MS4A13: variants seen among roughly 807,000 people sequenced by gnomAD.
The protein encoded by MS4A13 is membrane-spanning 4-domains subfamily A member 13.
Under a neutral mutation model 18.4 loss-of-function variants are expected in MS4A13, and 21 were observed. That is an observed-to-expected ratio of 1.14 (90% CI 0.81 to 1.64). The LOEUF is 1.64. Among genes scored for constraint, MS4A13 ranks in the 40% most tolerant of loss-of-function variants. The probability of loss-of-function intolerance (pLI) is 0.00; values close to 1 mark genes in which losing one functional copy is unlikely to be tolerated. For synonymous variants in MS4A13, 62 were observed against 57.2 expected, an observed-to-expected ratio of 1.08 and a Z score of -0.38; for missense variants, 173 against 176.8, an observed-to-expected ratio of 0.98 and a Z score of 0.12.
chr11:60,541,991 C>G (rs911831774), intron 6 of MS4A13, among the ~76,000 whole-genome samples: 1 of 151,770 alleles, frequency 6.6e-6, no homozygotes, highest in African/African-American at 2.4e-5. Flanking sequence ...ATCCTAACTA[C>G]TCGGGTGGCT....
rs747253301 is a variant in MS4A13, at chr11:60,542,606, G to A, written c.*31G>A. 6.8e-7 allele frequency: 1 copy of A among 1,471,712 alleles called. No individual in the cohort carries two copies. Among genetic ancestry groups the A allele is most frequent in the Non-Finnish European group, 9.5e-7 (1 of 1,056,476 alleles). 91.2% of individuals were successfully genotyped at this position (1,471,712 alleles called of 1,614,324 possible). On this transcript the variant is annotated 3_prime_UTR_variant, in exon 7 of 7. Transcript: ENST00000378186. ...CTAGAAATATGAGAATTTTGCTGTT[G>A]CTGATGCCTGGTGTGGGTCCTAATG...
At chr11:60,541,875 G>C (rs778100299) in intron 6 of MS4A13, among the ~76,000 whole-genome samples, 9 of 152,078 alleles carry the variant, frequency 5.9e-5, no homozygotes, top group African/African-American at 2.2e-4. Flanking sequence ...GAAGCAGGAG[G>C]ATCACTTGAG....
intron 3 of MS4A13, among the ~76,000 whole-genome samples, chr11:60,522,252 A>ATATCTATATAT (rs2086681992): frequency 6.7e-6 from 1 of 148,656 alleles, no homozygotes; most frequent in East Asian, 1.9e-4. Context: ...GTATATATAT[A>ATATCTATATAT]GATATATACA....
chr11:60,530,238 C>T (rs1176150350), intron 6 of MS4A13, among the ~76,000 whole-genome samples: 1 of 152,220 alleles, frequency 6.6e-6, no homozygotes, highest in Non-Finnish European at 1.5e-5. Flanking sequence ...ATGGCCTCTC[C>T]ATTAGGGAGT....
At chr11:60,529,972 G>A (rs891906472) in intron 6 of MS4A13, among the ~76,000 whole-genome samples, 1 of 152,148 alleles carries the variant, frequency 6.6e-6, no homozygotes, top group Admixed American at 6.5e-5. Flanking sequence ...GTGAACATTT[G>A]AGTATAAATA....
At position 60,532,029 on chromosome 11, in the gene MS4A13, C is replaced by T. The variant is rs189171913; in HGVS notation, c.402+2569C>T. On this transcript the variant is annotated intron_variant, in intron 6 of 6. Coordinates refer to ENST00000378186, the MANE Select transcript of MS4A13 (RefSeq NM_001012417.3). The stretch of plus-strand genomic sequence containing the variant: ...ATCTAAAATGTCCAGTTTTCAACAA[C>T]AAAAAGTATGCAAATAATAATAGTT... Among the ~76,000 whole-genome samples the T allele has an allele frequency of 9.2e-5, 14 of 152,198 alleles. No individual in the cohort carries two copies. In the East Asian group the frequency reaches 2.7e-3, roughly 29 times the overall value.
chr11:60,527,356 C>G (rs1339960464), intron 5 of MS4A13, among the ~76,000 whole-genome samples: 1 of 72,530 alleles, frequency 1.4e-5, no homozygotes, highest in Non-Finnish European at 3.3e-5. Flanking sequence ...GGAACTCATT[C>G]ATTCCGTCTC....
chr11:60,523,839 A>G, intron 3 of MS4A13, 58 bp from the exon 4 acceptor site: 1 of 963,770 alleles, frequency 1.0e-6, no homozygotes, highest in Non-Finnish European at 1.6e-6. Flanking sequence ...TATTAAAAGT[A>G]CATTCTAAAT....
chr11:60,527,671 A>C (rs1302100280), intron 5 of MS4A13, among the ~76,000 whole-genome samples: 1 of 152,022 alleles, frequency 6.6e-6, no homozygotes, highest in Admixed American at 6.6e-5. Flanking sequence ...CCCTGTCTCC[A>C]CTAAAAATAC....
chr11:60,540,992 T>C (rs1262291040), intron 6 of MS4A13, among the ~76,000 whole-genome samples: 5 of 148,812 alleles, frequency 3.4e-5, no homozygotes, highest in Non-Finnish European at 1.5e-5. Flanking sequence ...AGAAAACACA[T>C]GAGACGTGTA....
chr11:60,539,305 T>C (rs1387575411), intron 6 of MS4A13, among the ~76,000 whole-genome samples: 1 of 151,256 alleles, frequency 6.6e-6, no homozygotes, highest in Non-Finnish European at 1.5e-5. Flanking sequence ...AAAAACCCAA[T>C]GGAGGTTCTA....
chr11:60,532,570 T>C (rs1344930761), intron 6 of MS4A13, among the ~76,000 whole-genome samples: 4 of 152,086 alleles, frequency 2.6e-5, no homozygotes, highest in African/African-American at 9.7e-5. Flanking sequence ...CAGATCAAAC[T>C]GCGAGGTGGC....
At chr11:60,521,153 C>T (rs544460615) in intron 3 of MS4A13, among the ~76,000 whole-genome samples, 26 of 152,320 alleles carry the variant, frequency 1.7e-4, no homozygotes, top group South Asian at 6.2e-4. Context: ...GCCCTGGGCC[C>T]GGCCCATGAA....
chr11:60,520,173 G>A (rs2086664181), intron 3 of MS4A13, among the ~76,000 whole-genome samples: 1 of 152,076 alleles, frequency 6.6e-6, no homozygotes, highest in Non-Finnish European at 1.5e-5. Context: ...AGGCTGGGGG[G>A]GTGGCGAGTC....
At position 60,527,410 on chromosome 11, in the gene MS4A13, C is replaced by CTGTGTGTGTGTGTGTGTG. The variant is rs1224398821; in HGVS notation, c.307-1937_307-1920dup. Among the ~76,000 whole-genome samples, 158 of 28,786 alleles carry CTGTGTGTGTGTGTGTGTG rather than the reference C, an allele frequency of 5.5e-3. 6 individuals carry two copies. The highest frequency in any genetic ancestry group is 0.013 in the East Asian group (9 of 682). 18.9% of individuals were successfully genotyped at this position (28,786 alleles called of 152,430 possible). On this transcript the variant is annotated intron_variant, in intron 5 of 6. Transcript: ENST00000378186. ...TCTCTCTCTCTCTCTCTCTCTCTCT[C>CTGTGTGTGTGTGTGTGTG]TGTGTGTGTGTGTGTGTGTGTGTGT...
At chr11:60,532,810 C>G (rs754541718) in intron 6 of MS4A13, among the ~76,000 whole-genome samples, 4 of 101,194 alleles carry the variant, frequency 4.0e-5, no homozygotes, top group Non-Finnish European at 8.1e-5. Context: ...TCTCCCAGCA[C>G]GCAGCTGGAG....
rs2086706437 is a variant in MS4A13 at position 60,525,341 on chromosome 11, C to G, written c.306+15C>G. On this transcript the variant is annotated intron_variant, in intron 5 of 6. Coordinates refer to ENST00000378186, the MANE Select transcript of MS4A13 (RefSeq NM_001012417.3). The stretch of plus-strand genomic sequence containing the variant: ...ATGGACAAGCAGTAAGTGACCAATT[C>G]TATGGGAACATATTAATTTTAAAAT... The G allele has an allele frequency of 1.3e-6, 2 of 1,521,678 alleles. No homozygotes were observed. The highest frequency in any genetic ancestry group is 4.1e-5 in the Admixed American group (2 of 48,814). The allele number at this position is 1,521,678 out of a possible 1,614,324, so 94.3% of individuals were successfully genotyped here.
intron 2 of MS4A13, among the ~76,000 whole-genome samples, chr11:60,516,807 AT>A (rs1425588298): frequency 6.6e-6 from 1 of 152,212 alleles, no homozygotes; most frequent in South Asian, 2.1e-4. Context: ...GCATTGGCTA[AT>A]TAGCTATCTC....
chr11:60,523,315 A>T (rs771249048), intron 3 of MS4A13, among the ~76,000 whole-genome samples: 5 of 152,216 alleles, frequency 3.3e-5, no homozygotes, highest in African/African-American at 1.2e-4. Flanking sequence ...ACAATATGGC[A>T]TAGTTTTATA....
Sources: gnomAD v4.1 joint callset for allele counts (sites outside exome capture counted in the v4.1 genomes callset) on GRCh38, gnomAD v4.1.1 for gene constraint, MANE v1.5 for transcripts, NCBI Gene and HGNC (gene_info 2026-07-23, HGNC 2026-07-21) for gene names.